Variants in USHBP1 observed in about 807,000 individuals in gnomAD.
The protein encoded by USHBP1 is harmonin-binding protein USHBP1.
Under a neutral mutation model 76.2 loss-of-function variants are expected in USHBP1, and 67 were observed. The ratio of observed to expected loss-of-function variants is 0.88; its 90% CI spans 0.72 to 1.08. The LOEUF (loss-of-function observed/expected upper bound fraction) is 1.08. Among genes scored for constraint, USHBP1 ranks in the 50% least tolerant of loss-of-function variants. The probability of loss-of-function intolerance (pLI) is 0.00; values close to 1 mark genes in which losing one functional copy is unlikely to be tolerated. For missense variants in USHBP1, 931 were observed against 915.0 expected (o/e 1.02, Z -0.23); for synonymous variants, 322 against 362.2 (o/e 0.89, Z 1.26).
chr19:17,261,645 T>A (rs142872896), intron 4 of USHBP1, among the ~76,000 whole-genome samples: 27,557 of 148,898 alleles, frequency 0.19, 2,683 homozygotes, highest in African/African-American at 0.24. Flanking sequence ...TTATTATTTT[T>A]TTTTTTTTTT....
At chr19:17,252,791 GC>G (rs919488726) in intron 10 of USHBP1, among the ~76,000 whole-genome samples, 1 of 151,438 alleles carries the variant, frequency 6.6e-6, no homozygotes, top group African/African-American at 2.4e-5. Flanking sequence ...GGCGGCTGAG[GC>G]AGGAGAATCA....
At position 17,262,558 on chromosome 19, in the gene USHBP1, C is replaced by T; in HGVS notation, c.636G>A (p.Gln212=). 1 of 1,603,214 alleles carries T rather than the reference C, an allele frequency of 6.2e-7. No individual in the cohort carries two copies. Among genetic ancestry groups the T allele is most frequent in the Non-Finnish European group, 8.5e-7 (1 of 1,173,038 alleles). ...EAIRAEKETL[Q]KEVQELQDSL... ...TCAGGATGGCCCCACTCACCTCTTT[C>T]TGCAGCGTCTCCTTCTCAGCTCGGA... Residue 212 remains glutamine (Q), a synonymous_variant, in exon 4 of 13, where the codon CAG becomes CAA. Transcript: ENST00000252597.
intron 12 of USHBP1, 113 bp from the exon 13 acceptor site, chr19:17,250,527 C>G (rs1430023319): frequency 8.1e-7 from 1 of 1,228,590 alleles, no homozygotes; most frequent in Non-Finnish European, 1.1e-6. Flanking sequence ...CTCCAAGGGT[C>G]CCAGCTAGCT....
rs137965741 is a variant in USHBP1, at chr19:17,262,162, G to A, written c.642+390C>T. Among the ~76,000 whole-genome samples, 1,135 of 152,010 alleles carry A rather than the reference G, an allele frequency of 7.5e-3. 7 individuals carry two copies. Among genetic ancestry groups the A allele is most frequent in the African/African-American group, 0.025 (1,034 of 41,454 alleles). On this transcript the variant is annotated intron_variant, in intron 4 of 12. Transcript: ENST00000252597. ...ATTACAGGCCTATGCCACCGCACCC[G>A]GCTAATTTTTTTTTGTATTTTTAGT...
intron 12 of USHBP1, 34 bp from the exon 13 acceptor site, chr19:17,250,448 C>A: frequency 6.3e-7 from 1 of 1,594,668 alleles, no homozygotes; most frequent in Non-Finnish European, 8.5e-7. Flanking sequence ...CAGGAAACAG[C>A]CCCCGAGTCC....
chr19:17,251,263 G>C (rs934615578), intron 12 of USHBP1, among the ~76,000 whole-genome samples: 2 of 150,838 alleles, frequency 1.3e-5, no homozygotes, highest in East Asian at 3.9e-4. Context: ...TCCACCTCCT[G>C]GGTTTAAGCA....
rs2073708645 is a variant in USHBP1, at chr19:17,262,903, T to G, written c.291A>C (p.Gln97His). ...TGTACTGTAGGGCTGCTTCTGGGGC[T>G]TGGTGGGCTTCCACTGCAGGTTTGT... ...VPHKPAVEAHQAPEAALQYKE... is the reference protein window; with the variant it reads ...VPHKPAVEAHHAPEAALQYKE... The change falls in exon 4 of 13, where the codon CAA (glutamine) becomes CAC (histidine). Residue 97 changes from glutamine to histidine, a missense_variant. Gln to His is a conservative substitution (Grantham distance 24). Transcript: ENST00000252597. The G allele has an allele frequency of 1.9e-6, 3 of 1,580,120 alleles. No homozygotes were observed. In the South Asian group the frequency reaches 3.4e-5, roughly 18 times the overall value.
At chr19:17,262,488 T>A in intron 4 of USHBP1, 64 bp downstream of exon 4, 1 of 1,511,518 alleles carries the variant, frequency 6.6e-7, no homozygotes, top group South Asian at 1.3e-5. Context: ...GAATATTGCC[T>A]ACATCAGGCC....
intron 10 of USHBP1, among the ~76,000 whole-genome samples, chr19:17,253,680 G>A (rs2073581587): frequency 6.7e-6 from 1 of 149,486 alleles, no homozygotes; most frequent in Non-Finnish European, 1.5e-5. Flanking sequence ...ATCAGCCTGA[G>A]GTCAGGAGTT....
In USHBP1 at chr19:17,256,514, C is replaced by G; in HGVS notation, c.1427G>C (p.Arg476Pro). ...CTGCTGAATTTGTGTCTTCTCCAGTCGGGGAAGAGCTGGGCCAGCCTGGGT... is the reference window on the plus strand; with the variant it reads ...CTGCTGAATTTGTGTCTTCTCCAGTGGGGGAAGAGCTGGGCCAGCCTGGGT... ...LGTQAGPALP[R>P]LEKTQIQQDL... The change falls in exon 9 of 13, where the codon CGA becomes CCA. Residue 476 changes from arginine to proline, a missense_variant. Physicochemically the swap from Arg to Pro is moderately radical, Grantham distance 103. Transcript: ENST00000252597. The G allele has an allele frequency of 1.2e-6, 2 of 1,613,886 alleles. No individual in the cohort carries two copies. Among genetic ancestry groups the G allele is most frequent in the Non-Finnish European group, 1.7e-6 (2 of 1,180,014 alleles).
chr19:17,253,323 T>TCGCTC (rs1260655954), intron 10 of USHBP1, among the ~76,000 whole-genome samples: 1 of 46,598 alleles, frequency 2.1e-5, no homozygotes, highest in Non-Finnish European at 3.7e-5. Context: ...AGACGGAGTC[T>TCGCTC]CGTCGCCCAG....
chr19:17,257,081 C>A (rs1375518588), intron 8 of USHBP1, among the ~76,000 whole-genome samples: 1 of 148,226 alleles, frequency 6.7e-6, no homozygotes, highest in Non-Finnish European at 1.5e-5. Context: ...AGTGCAGTGG[C>A]ATAACCTCGG....
chr19:17,261,317 T>TTC (rs1555714306), intron 4 of USHBP1, among the ~76,000 whole-genome samples: 1 of 140,810 alleles, frequency 7.1e-6, no homozygotes, highest in Non-Finnish European at 1.5e-5. Context: ...TTTTCTTTCT[T>TTC]TTTCTTTCTT....
At chr19:17,256,910 C>T (rs1240993993) in intron 8 of USHBP1, among the ~76,000 whole-genome samples, 190 bp from the exon 9 acceptor site, 1 of 152,068 alleles carries the variant, frequency 6.6e-6, no homozygotes, top group Non-Finnish European at 1.5e-5. Context: ...ACATGGTGGC[C>T]AGGTGCGGTG....
Position 17,259,727 on chromosome 19 carries a change from G to A in USHBP1, c.774C>T (p.Ser258=). Residue 258 remains serine, a synonymous_variant, in exon 6 of 13, where the codon TCC becomes TCT. Transcript: ENST00000252597. The part of the protein sequence containing the change: ...ADREPWETQD[S]FSLAHPLLRR... ...GAAGCAGGGGGTGAGCCAGGGAGAA[G>A]GAGTCCTGCCAAGAAGAAGTGATAT... 1 of 1,610,030 alleles carries A rather than the reference G, an allele frequency of 6.2e-7. No homozygotes were observed. Among genetic ancestry groups the A allele is most frequent in the Non-Finnish European group, 8.5e-7 (1 of 1,178,352 alleles).
chr19:17,262,761 C>A lies in USHBP1; in HGVS notation c.433G>T (p.Gly145Trp). Residue 145 changes from glycine (G) to tryptophan (W), a missense_variant, in exon 4 of 13, where the codon GGG (glycine) becomes TGG (tryptophan). Physicochemically the swap from Gly to Trp is radical, Grantham distance 184. Coordinates refer to ENST00000252597, the MANE Select transcript of USHBP1 (RefSeq NM_031941.4). ...AWRHQPPSHS[G>W]PMEFEGTSEG... is the part of the protein sequence containing the mutation. ...CTTGTGCCTTCGAACTCCATCGGCC[C>A]AGAATGGCTGGGGGGCTGGTGGCGC... is the stretch of plus-strand genomic sequence containing the variant. 5 of 1,614,206 alleles carry A rather than the reference C, an allele frequency of 3.1e-6. No individual in the cohort carries two copies. The Middle Eastern group carries it at 6.6e-4, about 213-fold the overall frequency.
chr19:17,261,266 A>C (rs2073683805), intron 4 of USHBP1, among the ~76,000 whole-genome samples: 1 of 151,406 alleles, frequency 6.6e-6, no homozygotes, highest in Admixed American at 6.6e-5. Flanking sequence ...TGAACAGGCC[A>C]GTCATGCTGC....
chr19:17,259,164 C>CA (rs546413091), intron 7 of USHBP1, 125 bp downstream of exon 7: 31,152 of 1,011,792 alleles, frequency 0.031, no homozygotes, highest in Non-Finnish European at 0.033. Context: ...GATTCTGTCT[C>CA]AAAAAAAAAA....
At chr19:17,252,195 A>G (rs1477729396) in intron 10 of USHBP1, among the ~76,000 whole-genome samples, 178 bp from the exon 11 acceptor site, 1 of 152,100 alleles carries the variant, frequency 6.6e-6, no homozygotes, top group Non-Finnish European at 1.5e-5. Flanking sequence ...ATCCTATTTA[A>G]TTAAAAAAAA....
Sources: gnomAD v4.1 joint callset for allele counts (sites outside exome capture counted in the v4.1 genomes callset) on GRCh38, gnomAD v4.1.1 for gene constraint, MANE v1.5 for transcripts, NCBI Gene and HGNC (gene_info 2026-07-23, HGNC 2026-07-21) for gene names.